Variants in IGF2R observed in about 807,000 individuals in gnomAD.
IGF2R encodes the protein cation-independent mannose-6-phosphate receptor.
In IGF2R, 91 loss-of-function variants were observed where a neutral mutation model predicts 270.6. That is an observed-to-expected ratio of 0.34 (90% CI 0.28 to 0.40). The LOEUF is 0.40. Among genes scored for constraint, IGF2R ranks in the 10% least tolerant of loss-of-function variants. The probability of loss-of-function intolerance (pLI) is 1.00; values close to 1 mark genes in which losing one functional copy is unlikely to be tolerated. For missense variants in IGF2R, 2,805 were observed against 3,188.3 expected (o/e 0.88, Z 2.90); for synonymous variants, 1,316 against 1,258.9 (o/e 1.05, Z -0.96).
At chr6:160,059,190 T>G in intron 22 of IGF2R, 92 bp downstream of exon 22, 7 of 1,028,958 alleles carry the variant, frequency 6.8e-6, no homozygotes, top group South Asian at 1.5e-5. Context: ...GATGTGCACA[T>G]CCCCCGCCAC....
intron 19 of IGF2R, among the ~76,000 whole-genome samples, chr6:160,053,904 TGGG>T (rs943183953): frequency 6.6e-6 from 1 of 151,998 alleles, no homozygotes; most frequent in African/African-American, 2.4e-5. Flanking sequence ...TTTGAAGAGA[TGGG>T]GGGTCTGTCT....
intron 15 of IGF2R, 110 bp downstream of exon 15, chr6:160,046,755 T>G: frequency 2.6e-6 from 3 of 1,152,804 alleles, no homozygotes; most frequent in Non-Finnish European, 3.7e-6. Flanking sequence ...GACAAGCATT[T>G]AAATACTGAT....
intron 35 of IGF2R, 118 bp from the exon 36 acceptor site, chr6:160,075,729 T>C: frequency 1.0e-6 from 1 of 985,304 alleles, no homozygotes; most frequent in Non-Finnish European, 1.5e-6. Flanking sequence ...CTTTAGATGC[T>C]GCTCATTCTC....
At chr6:159,984,761 A>G (rs1783856725) in intron 1 of IGF2R, among the ~76,000 whole-genome samples, 1 of 152,234 alleles carries the variant, frequency 6.6e-6, no homozygotes, top group Non-Finnish European at 1.5e-5. Context: ...GTGAGTGACT[A>G]TAAACCAGTC....
rs189244044 is a variant in IGF2R, at chr6:160,070,175, G to C, written c.4443+117G>C. 8 of 984,580 alleles carry C rather than the reference G, an allele frequency of 8.1e-6. No individual in the cohort carries two copies. In the Admixed American group the frequency reaches 1.5e-4, roughly 18 times the overall value. The allele number at this position is 984,580 out of a possible 1,614,324, so 61.0% of individuals were successfully genotyped here. On this transcript the variant is annotated intron_variant, in intron 31 of 47. Coordinates refer to ENST00000356956, the MANE Select transcript of IGF2R (RefSeq NM_000876.4). ...GGATGCGAGTTCTAGAGCCTGGGATGATGCGCCCTTACCAGAGGTTGGGGG... is the reference window on the plus strand; with the variant it reads ...GGATGCGAGTTCTAGAGCCTGGGATCATGCGCCCTTACCAGAGGTTGGGGG...
At chr6:159,993,411 G>A (rs1218438347) in intron 2 of IGF2R, among the ~76,000 whole-genome samples, 2 of 152,108 alleles carry the variant, frequency 1.3e-5, no homozygotes, top group Non-Finnish European at 2.9e-5. Flanking sequence ...TGAGAGATAG[G>A]GTTCTAGTTT....
chr6:160,027,652 A>G (rs1021666266), intron 6 of IGF2R, among the ~76,000 whole-genome samples: 3 of 152,156 alleles, frequency 2.0e-5, no homozygotes, highest in Non-Finnish European at 4.4e-5. Flanking sequence ...TTTTGTGTCC[A>G]TTGTGTTCTC....
In IGF2R at chr6:160,102,734, G is replaced by A; in HGVS notation, c.6995+63G>A. The A allele has an allele frequency of 6.7e-7, 1 of 1,501,276 alleles. No individual in the cohort carries two copies. Among genetic ancestry groups the A allele is most frequent in the Non-Finnish European group, 9.0e-7 (1 of 1,107,766 alleles). The allele number at this position is 1,501,276 out of a possible 1,614,324, so 93.0% of individuals were successfully genotyped here. A position where few individuals can be genotyped will look rare whatever the true frequency, so the allele number is the denominator to read the frequency against. ...CATGCCTCCCATAGCTAATCTTGGGGTCAGTTTTGTGGGGTTTTATTTATT... is the reference window on the plus strand; with the variant it reads ...CATGCCTCCCATAGCTAATCTTGGGATCAGTTTTGTGGGGTTTTATTTATT... On this transcript the variant is annotated intron_variant, in intron 46 of 47. Coordinates refer to ENST00000356956, the MANE Select transcript of IGF2R (RefSeq NM_000876.4). The surrounding 1 kb of genome is among the most constrained non-coding windows in gnomAD (Gnocchi z 4.5).
At chr6:160,010,927 T>C in intron 4 of IGF2R, 142 bp downstream of exon 4, 1 of 577,476 alleles carries the variant, frequency 1.7e-6, no homozygotes, top group Non-Finnish European at 3.1e-6. Flanking sequence ...TGTGATTTAA[T>C]TTTTAAAACT....
chr6:160,076,007 G>C lies in IGF2R; in HGVS notation c.5316+11G>C, dbSNP rs762836656. The C allele has an allele frequency of 6.2e-7, 1 of 1,613,290 alleles. No individual in the cohort carries two copies. Among genetic ancestry groups the C allele is most frequent in the Non-Finnish European group, 8.5e-7 (1 of 1,179,288 alleles). ...AGAGGTGTGAGCATGGTAAGTGTGG[G>C]CCTGTGACGATCTAGATGCTCAACT... On this transcript the variant is annotated intron_variant, in intron 36 of 47. Coordinates refer to ENST00000356956, the MANE Select transcript of IGF2R (RefSeq NM_000876.4).
At chr6:160,018,822 C>G (rs1777363993) in intron 4 of IGF2R, among the ~76,000 whole-genome samples, 1 of 151,992 alleles carries the variant, frequency 6.6e-6, no homozygotes, top group Admixed American at 6.6e-5. Context: ...AAAAGCAGGG[C>G]TAAGTGGGAA....
At chr6:160,039,349 G>A (rs1367908255) in intron 10 of IGF2R, among the ~76,000 whole-genome samples, 1 of 152,144 alleles carries the variant, frequency 6.6e-6, no homozygotes, top group East Asian at 1.9e-4. Context: ...ATCTTTTGAG[G>A]CTACCGTTTT....
intron 2 of IGF2R, chr6:160,005,034 A>T (rs915073511): frequency 6.6e-6 from 1 of 152,276 alleles, no homozygotes; most frequent in Admixed American, 6.5e-5. Context: ...GGATCTTGCC[A>T]TGTGGTGTGC....
Position 160,080,143 on chromosome 6 carries a change from G to C in IGF2R, c.5701G>C (p.Val1901Leu). ...CTTCTTTCCAGAAACCGATGACGGC[G>C]TCCCCTGTGTCTTCCCCTTCATATT... ...DRCPPETDDG[V>L]PCVFPFIFNG... The change falls in exon 39 of 48, where the codon GTC becomes CTC. Residue 1901 changes from valine to leucine, a missense_variant. Transcript: ENST00000356956. 6.2e-7 allele frequency: 1 copy of C among 1,614,062 alleles called. No homozygotes were observed. Among genetic ancestry groups the C allele is most frequent in the Non-Finnish European group, 8.5e-7 (1 of 1,179,972 alleles).
Position 159,980,221 on chromosome 6 carries a change from A to AGG in IGF2R, c.149+10826_149+10827insGG, listed in dbSNP as rs1562330598. Reference sequence around the variant, plus strand: ...AAAGAAAGAAAGAAAGAAAGAAAGAAAGAAAGAAAGAAAGAAAGGTACATG... The same window carrying AGG: ...AAAGAAAGAAAGAAAGAAAGAAAGAAGGAGAAAGAAAGAAAGAAAGGTACATG... On this transcript the variant is annotated intron_variant, in intron 1 of 47. Coordinates refer to ENST00000356956, the MANE Select transcript of IGF2R (RefSeq NM_000876.4). Among the ~76,000 whole-genome samples the AGG allele has an allele frequency of 1.5e-4, 21 of 138,292 alleles. 1 individual carries two copies. The highest frequency in any genetic ancestry group is 5.8e-4 in the African/African-American group (21 of 36,422). The allele number at this position is 138,292 out of a possible 152,430, so 90.7% of individuals were successfully genotyped here.
chr6:159,982,977 T>C (rs998713112), intron 1 of IGF2R, among the ~76,000 whole-genome samples: 2 of 152,234 alleles, frequency 1.3e-5, no homozygotes, highest in Non-Finnish European at 2.9e-5. Context: ...AGTGATGGCA[T>C]ATATGAAAAC....
chr6:160,013,705 T>G (rs1044624204), intron 4 of IGF2R, among the ~76,000 whole-genome samples: 1 of 152,212 alleles, frequency 6.6e-6, no homozygotes, highest in African/African-American at 2.4e-5. Flanking sequence ...AGACTAATGG[T>G]GTGAAGGACA....
chr6:160,091,817 G>A (rs1360157196), intron 44 of IGF2R, among the ~76,000 whole-genome samples: 1 of 152,220 alleles, frequency 6.6e-6, no homozygotes, highest in Non-Finnish European at 1.5e-5. Flanking sequence ...GCCCTATCAT[G>A]CAGAGAAGGA....
intron 10 of IGF2R, among the ~76,000 whole-genome samples, chr6:160,037,724 A>G (rs1277570292): frequency 1.3e-5 from 2 of 152,072 alleles, no homozygotes; most frequent in Non-Finnish European, 2.9e-5. Context: ...ACTACTCACA[A>G]TTTAAGTGGC....
Sources: allele counts gnomAD v4.1 joint callset (sites outside exome capture counted in the v4.1 genomes callset), GRCh38; gene constraint gnomAD v4.1.1; non-coding constraint Gnocchi (gnomAD v3.1); transcripts MANE v1.5; gene names NCBI Gene and HGNC (gene_info 2026-07-23, HGNC 2026-07-21).